The following BIN3 variants were observed in gnomAD, a reference collection of about 807,000 sequenced individuals.
BIN3 encodes the protein bridging integrator 3.
A neutral mutation model predicts 38.2 loss-of-function variants in BIN3; 41 were observed. The ratio of observed to expected loss-of-function variants is 1.07; its 90% confidence interval spans 0.84 to 1.39. BIN3 has a LOEUF of 1.39. Among genes scored for constraint, BIN3 ranks in the 40% most tolerant of loss-of-function variants. BIN3 has a pLI of 0.00. For synonymous variants in BIN3, 145 were observed against 122.6 expected (o/e 1.18, Z -1.21); for missense variants, 361 against 324.3 (o/e 1.11, Z -0.87).
At chr8:22,626,210 G>A (rs548423538) in intron 6 of BIN3, 1 of 152,458 alleles carries the variant, frequency 6.6e-6, no homozygotes, top group Non-Finnish European at 1.5e-5. Context: ...GAAGCCATGG[G>A]CCTCCCAGGA....
At chr8:22,621,799 G>C (rs1446122674) in intron 8 of BIN3, among the ~76,000 whole-genome samples, 1 of 152,218 alleles carries the variant, frequency 6.6e-6, no homozygotes, top group Non-Finnish European at 1.5e-5. Context: ...CCCTGCTTCG[G>C]GCTCCTGGTT....
chr8:22,627,733 G>A, intron 6 of BIN3, among the ~76,000 whole-genome samples: 1 of 152,234 alleles, frequency 6.6e-6, no homozygotes, highest in East Asian at 1.9e-4. Flanking sequence ...ATTATGAGAA[G>A]TCAGTTTGGC....
In BIN3 at chr8:22,630,460, A is replaced by C; in HGVS notation, c.279T>G (p.Asp93Glu). ...TAGTCACCTTTTCCTGATTGAAGGC[A>C]TCCATCCGCTTCATGGCCGTGTCCA... ...TALDTAMKRM[D>E]AFNQEKVNQI... Residue 93 changes from aspartate to glutamate, a missense_variant, in exon 5 of 9, where the codon GAT becomes GAG. Asp to Glu is a conservative substitution (Grantham distance 45). Coordinates refer to ENST00000276416, the MANE Select transcript of BIN3 (RefSeq NM_018688.6). The C allele has an allele frequency of 2.5e-6, 4 of 1,613,952 alleles. No homozygotes were observed. Among genetic ancestry groups the C allele is most frequent in the Non-Finnish European group, 3.4e-6 (4 of 1,179,854 alleles).
intron 1 of BIN3, among the ~76,000 whole-genome samples, chr8:22,661,087 G>A (rs909669266): frequency 4.6e-5 from 7 of 151,914 alleles, no homozygotes; most frequent in African/African-American, 1.7e-4. Flanking sequence ...GTCTCACTAC[G>A]CTCCCCAGGT....
At chr8:22,661,644 C>A (rs1803241160) in intron 1 of BIN3, among the ~76,000 whole-genome samples, 1 of 151,918 alleles carries the variant, frequency 6.6e-6, no homozygotes, top group South Asian at 2.1e-4. Flanking sequence ...AGGTGTCAGC[C>A]ACCGTGCCCA....
At chr8:22,621,662 C>A in intron 8 of BIN3, 94 bp from the exon 9 acceptor site, 1 of 1,305,884 alleles carries the variant, frequency 7.7e-7, no homozygotes, top group South Asian at 1.3e-5. Context: ...ACCCCCTGCC[C>A]TTACCCATCT....
chr8:22,653,675 T>C (rs1802968282), intron 1 of BIN3, among the ~76,000 whole-genome samples: 1 of 152,210 alleles, frequency 6.6e-6, no homozygotes, highest in African/African-American at 2.4e-5. Context: ...AGGGATAGTA[T>C]GAAGAAGTAA....
rs1801923052 is a variant in BIN3 at position 22,623,947 on chromosome 8, G to A, written c.583C>T (p.Gln195Ter). 1.2e-6 allele frequency: 2 copies of A among 1,611,966 alleles called. No individual in the cohort carries two copies. Among genetic ancestry groups the A allele is most frequent in the East Asian group, 2.2e-5 (1 of 44,840 alleles). ...RFYGSRLDYF[Q>*]PSFESLIRAQ... ...CGGATGAGGGACTCAAAGCTGGGCT[G>A]GAAGTAGTCGAGGCGGCTGCCGTAG... Residue 195 changes from glutamine to a stop codon, truncating the protein, a stop_gained, in exon 8 of 9, where the codon CAG becomes TAG. Coordinates refer to ENST00000276416, the MANE Select transcript of BIN3 (RefSeq NM_018688.6). LOFTEE classifies it high-confidence loss of function.
At chr8:22,662,454 G>A (rs186540028) in intron 1 of BIN3, among the ~76,000 whole-genome samples, 2 of 152,268 alleles carry the variant, frequency 1.3e-5, no homozygotes, top group East Asian at 1.9e-4. Flanking sequence ...GTTCACTTGG[G>A]TTTTCTTTTC....
chr8:22,628,246 C>T (rs1377230744), intron 6 of BIN3, among the ~76,000 whole-genome samples: 1 of 152,208 alleles, frequency 6.6e-6, no homozygotes, highest in East Asian at 1.9e-4. Context: ...GGATTAGAGG[C>T]CGAGCCCCTG....
At chr8:22,649,096 C>G (rs1011710854) in intron 1 of BIN3, among the ~76,000 whole-genome samples, 1 of 152,206 alleles carries the variant, frequency 6.6e-6, no homozygotes, top group African/African-American at 2.4e-5. Context: ...TTCCTATTCA[C>G]TCAGTACAAC....
At chr8:22,657,575 C>T (rs1466261970) in intron 1 of BIN3, among the ~76,000 whole-genome samples, 2 of 152,182 alleles carry the variant, frequency 1.3e-5, no homozygotes, top group African/African-American at 4.8e-5. Flanking sequence ...GGGTTTATTC[C>T]GAGGCTGCCA....
chr8:22,662,864 C>A (rs1462803911), intron 1 of BIN3, among the ~76,000 whole-genome samples: 1 of 152,152 alleles, frequency 6.6e-6, no homozygotes, highest in South Asian at 2.1e-4. Context: ...AGGCTGGCCG[C>A]GGTGGCTCAT....
intron 1 of BIN3, among the ~76,000 whole-genome samples, chr8:22,650,722 T>G (rs532613696): frequency 6.6e-6 from 1 of 152,352 alleles, no homozygotes; most frequent in South Asian, 2.1e-4. Flanking sequence ...GATAAATGCT[T>G]ATACTGCTAC....
At chr8:22,636,168 C>T (rs1265294055) in intron 4 of BIN3, among the ~76,000 whole-genome samples, 7 of 152,212 alleles carry the variant, frequency 4.6e-5, no homozygotes, top group East Asian at 1.9e-4. Context: ...CACGGAGTCT[C>T]GTTTCTGCGG....
chr8:22,644,548 G>C, intron 2 of BIN3: 1 of 553,980 alleles, frequency 1.8e-6, no homozygotes, highest in East Asian at 3.1e-5. Context: ...AAAGAGCCCA[G>C]GCTAACCTTT....
intron 8 of BIN3, 121 bp from the exon 9 acceptor site, chr8:22,621,689 G>C: frequency 9.3e-7 from 1 of 1,079,072 alleles, no homozygotes; most frequent in South Asian, 1.5e-5. Context: ...GTGCAGCAGC[G>C]TGCCTTTGGG....
intron 1 of BIN3, among the ~76,000 whole-genome samples, chr8:22,664,290 C>T (rs1319924301): frequency 1.3e-5 from 2 of 152,206 alleles, no homozygotes; most frequent in Non-Finnish European, 2.9e-5. Context: ...GGAAGAAATC[C>T]TTCTCCTCTC....
intron 6 of BIN3, among the ~76,000 whole-genome samples, chr8:22,628,086 C>T (rs1362632787): frequency 4.6e-5 from 7 of 152,258 alleles, no homozygotes; most frequent in East Asian, 1.9e-4. Flanking sequence ...TGAGCGAGGC[C>T]GGCTGGGAGG....
Sources: gnomAD v4.1 joint callset for allele counts (sites outside exome capture counted in the v4.1 genomes callset) on GRCh38, gnomAD v4.1.1 for gene constraint, MANE v1.5 for transcripts, NCBI Gene and HGNC (gene_info 2026-07-23, HGNC 2026-07-21) for gene names.